The following GRID2 variants were observed in gnomAD, a reference collection of about 807,000 sequenced individuals.
GRID2 encodes the protein glutamate receptor ionotropic, delta-2.
GRID2 carries 33 observed loss-of-function variants against 114.8 expected under a neutral mutation model. That is an observed-to-expected ratio of 0.29 (90% CI 0.22 to 0.38). The LOEUF (loss-of-function observed/expected upper bound fraction) is 0.38, where lower values mean the gene tolerates loss of function less well. Ranked by LOEUF, GRID2 falls within the 10% of genes least tolerant of loss-of-function variation. The probability of loss-of-function intolerance (pLI) is 1.00; values close to 1 mark genes in which losing one functional copy is unlikely to be tolerated. For synonymous variants in GRID2, 505 were observed against 449.9 expected (o/e 1.12, Z -1.55); for missense variants, 1,184 against 1,257.7 (o/e 0.94, Z 0.89).
At chr4:93,361,852 G>A (rs1761909226) in intron 8 of GRID2, among the ~76,000 whole-genome samples, 1 of 152,008 alleles carries the variant, frequency 6.6e-6, no homozygotes, top group African/African-American at 2.4e-5. Flanking sequence ...TTTATTTTAA[G>A]TTCCAGGAAA....
intron 2 of GRID2, among the ~76,000 whole-genome samples, chr4:92,962,196 CTGTG>C (rs113224004): frequency 6.6e-6 from 1 of 151,788 alleles, no homozygotes; most frequent in Admixed American, 6.6e-5. Flanking sequence ...TCTCTTCAAA[CTGTG>C]TGTGTGTGTT....
In GRID2 at chr4:93,576,154, A is replaced by C. The variant is rs150304807; in HGVS notation, c.2194-50115A>C. Among the ~76,000 whole-genome samples the C allele has an allele frequency of 5.1e-4, 78 of 152,328 alleles. 1 individual carries two copies. In the East Asian group the frequency reaches 0.015, roughly 29 times the overall value. ...CATGTGAAAATGTTAAAGTGGATAT[A>C]GGCACTCAATGATAGTCAAGTTATC... On this transcript the variant is annotated intron_variant, in intron 13 of 15. Coordinates refer to ENST00000282020, the MANE Select transcript of GRID2 (RefSeq NM_001510.4).
chr4:92,319,888 G>A lies in GRID2; in HGVS notation c.88+15144G>A, dbSNP rs971671744. ...TCCCACCTTGGCTGGGTCATTTTTAGGATAAAAAGTCATTATGTCTGTAAA... is the reference window on the plus strand; with the variant it reads ...TCCCACCTTGGCTGGGTCATTTTTAAGATAAAAAGTCATTATGTCTGTAAA... On this transcript the variant is annotated intron_variant, in intron 1 of 15. Coordinates refer to ENST00000282020, the MANE Select transcript of GRID2 (RefSeq NM_001510.4). Among the ~76,000 whole-genome samples the A allele has an allele frequency of 2.0e-5, 3 of 152,054 alleles. No homozygotes were observed. In the South Asian group the frequency reaches 6.2e-4, roughly 32 times the overall value.
chr4:93,529,589 A>C (rs964870049), intron 13 of GRID2, among the ~76,000 whole-genome samples: 2 of 152,158 alleles, frequency 1.3e-5, no homozygotes, highest in African/African-American at 4.8e-5. Flanking sequence ...TTGCCTTCCA[A>C]CTAGAGGATT....
chr4:93,580,212 A>C (rs1309424887), intron 13 of GRID2, among the ~76,000 whole-genome samples: 3 of 152,228 alleles, frequency 2.0e-5, no homozygotes, highest in Non-Finnish European at 2.9e-5. Context: ...CACAGTCTCT[A>C]GAACTTCTAG....
intron 1 of GRID2, among the ~76,000 whole-genome samples, chr4:93,786,127 G>C (rs1734587768): frequency 6.6e-6 from 1 of 152,196 alleles, no homozygotes; most frequent in Non-Finnish European, 1.5e-5. Flanking sequence ...TCAATAGGGA[G>C]TGGTCAATAT....
At chr4:93,209,954 T>C (rs557071553) in intron 5 of GRID2, among the ~76,000 whole-genome samples, 234 of 152,108 alleles carry the variant, frequency 1.5e-3, no homozygotes, top group African/African-American at 5.6e-3. Context: ...GGTTGTTTGG[T>C]TTTGCTTTAA....
intron 1 of GRID2, among the ~76,000 whole-genome samples, chr4:92,479,881 T>G (rs1722497112): frequency 6.6e-6 from 1 of 152,136 alleles, no homozygotes; most frequent in African/African-American, 2.4e-5. Flanking sequence ...GACATAATGT[T>G]GGAGTGAGTA....
At chr4:92,915,441 C>A (rs1412728538) in intron 2 of GRID2, among the ~76,000 whole-genome samples, 1 of 152,046 alleles carries the variant, frequency 6.6e-6, no homozygotes, top group East Asian at 1.9e-4. Flanking sequence ...GCTGGCTATG[C>A]TAGTGTACTT....
chr4:92,899,499 G>A (rs1482808308), intron 2 of GRID2, among the ~76,000 whole-genome samples: 1 of 152,074 alleles, frequency 6.6e-6, no homozygotes, highest in African/African-American at 2.4e-5. Flanking sequence ...TAAACCCTGT[G>A]CATTCTAGTT....
intron 10 of GRID2, 27 bp from the exon 11 acceptor site, chr4:93,455,635 G>A (rs765875704): frequency 6.0e-6 from 9 of 1,507,492 alleles, no homozygotes; most frequent in South Asian, 5.7e-5. Flanking sequence ...CACTGTTAAT[G>A]TATTCCTTTC....
chr4:93,052,844 T>A (rs2149282880), intron 2 of GRID2, among the ~76,000 whole-genome samples: 1 of 152,022 alleles, frequency 6.6e-6, no homozygotes, highest in South Asian at 2.1e-4. Flanking sequence ...AGTCTCAGTT[T>A]CTATTCTGGA....
At chr4:93,085,595 C>A (rs1397901587) in intron 3 of GRID2, among the ~76,000 whole-genome samples, 1 of 152,094 alleles carries the variant, frequency 6.6e-6, no homozygotes, top group Non-Finnish European at 1.5e-5. Context: ...AAAAACAACA[C>A]CGTCTTTCTT....
intron 1 of GRID2, among the ~76,000 whole-genome samples, chr4:92,518,105 C>T (rs1724591447): frequency 6.6e-6 from 1 of 151,788 alleles, no homozygotes; most frequent in Non-Finnish European, 1.5e-5. Flanking sequence ...GTCTGTGCCT[C>T]CCATCTTCTC....
At chr4:93,141,811 G>A (rs908611979) in intron 4 of GRID2, among the ~76,000 whole-genome samples, 7 of 152,194 alleles carry the variant, frequency 4.6e-5, no homozygotes, top group African/African-American at 1.7e-4. Context: ...AGGTTTTTTT[G>A]TAGCATTGTG....
intron 2 of GRID2, among the ~76,000 whole-genome samples, chr4:92,954,787 C>A (rs1388880529): frequency 7.5e-6 from 1 of 133,284 alleles, no homozygotes; most frequent in Non-Finnish European, 1.6e-5. Context: ...CACAAGAGTC[C>A]CCAGAGTGTG....
intron 2 of GRID2, among the ~76,000 whole-genome samples, chr4:92,998,253 A>G (rs552230661): frequency 1.3e-5 from 2 of 152,172 alleles, no homozygotes; most frequent in South Asian, 2.1e-4. Flanking sequence ...TAAAATAACT[A>G]TCTTTCCTTG....
chr4:92,562,257 A>G (rs756288239), intron 1 of GRID2, among the ~76,000 whole-genome samples: 3 of 152,200 alleles, frequency 2.0e-5, no homozygotes, highest in Admixed American at 6.5e-5. Flanking sequence ...AACAAAGTTC[A>G]GTTTGTGCTG....
At chr4:92,558,114 C>A (rs946098064) in intron 1 of GRID2, among the ~76,000 whole-genome samples, 4 of 151,994 alleles carry the variant, frequency 2.6e-5, no homozygotes, top group African/African-American at 7.2e-5. Context: ...TAACATTGTT[C>A]CTGTGAGGGA....
Sources: allele counts gnomAD v4.1 joint callset (sites outside exome capture counted in the v4.1 genomes callset), GRCh38; gene constraint gnomAD v4.1.1; transcripts MANE v1.5; gene names NCBI Gene and HGNC (gene_info 2026-07-23, HGNC 2026-07-21).